MED15: variants seen among roughly 807,000 people sequenced by gnomAD.
MED15 encodes mediator of RNA polymerase II transcription subunit 15.
MED15 carries 41 observed loss-of-function variants against 118.7 expected under a neutral mutation model. That is an observed-to-expected ratio of 0.35 (90% CI 0.27 to 0.45). The LOEUF (loss-of-function observed/expected upper bound fraction) is 0.45. Ranked by LOEUF, MED15 falls within the 20% of genes least tolerant of loss-of-function variation. The pLI, the probability that MED15 is intolerant of heterozygous loss-of-function variation, is 1.00. For synonymous variants in MED15, 436 were observed against 413.9 expected (o/e 1.05, Z -0.65); for missense variants, 740 against 1,025.5 (o/e 0.72, Z 3.80).
intron 2 of MED15, among the ~76,000 whole-genome samples, chr22:20,542,702 T>A (rs1456814765): frequency 2.6e-5 from 4 of 152,216 alleles, no homozygotes; most frequent in Non-Finnish European, 5.9e-5. Context: ...TTTTGGGAGT[T>A]CTTCTTTGAT....
chr22:20,544,120 T>C (rs6001917), intron 2 of MED15, among the ~76,000 whole-genome samples: 5,009 of 152,316 alleles, frequency 0.033, 284 homozygotes, highest in African/African-American at 0.11. Flanking sequence ...ATACAGACTT[T>C]CTGTATCAAG....
chr22:20,533,044 C>T (rs1050276943), intron 1 of MED15, among the ~76,000 whole-genome samples: 7 of 152,090 alleles, frequency 4.6e-5, no homozygotes, highest in East Asian at 1.9e-4. Flanking sequence ...AGTAGCCATT[C>T]GGGTCTGGCT....
chr22:20,507,886 C>A, intron 1 of MED15, 140 bp downstream of exon 1: 2 of 1,484,752 alleles, frequency 1.3e-6, no homozygotes, highest in South Asian at 1.3e-5. Flanking sequence ...TCCCAGGGCT[C>A]GGGCCCCCCC....
At chr22:20,583,275 C>T (rs766242022) in intron 12 of MED15, 28 bp downstream of exon 12, 2 of 1,613,072 alleles carry the variant, frequency 1.2e-6, no homozygotes, top group South Asian at 1.1e-5. Flanking sequence ...CAGGGGCCTG[C>T]ACCCTGGGGA....
At chr22:20,551,154 C>T in intron 2 of MED15, 1 of 615,240 alleles carries the variant, frequency 1.6e-6, no homozygotes, top group Non-Finnish European at 3.1e-6. Flanking sequence ...CAAGATGGCT[C>T]CCAGCTCTCT....
Position 20,574,957 on chromosome 22 carries a change from T to C in MED15, c.1153-156T>C, listed in dbSNP as rs766585865. On this transcript the variant is annotated intron_variant, in intron 8 of 17. Coordinates refer to ENST00000263205, the MANE Select transcript of MED15 (RefSeq NM_001003891.3). ...CCTGGAGGTGCTGTGGGCTTGAACA[T>C]GTGGGTGGCCTCCCCTCCCAGGCTG... 3 of 971,208 alleles carry C rather than the reference T, an allele frequency of 3.1e-6. No individual in the cohort carries two copies. The Admixed American group carries it at 6.2e-5, about 20-fold the overall frequency. 60.2% of individuals were successfully genotyped at this position (971,208 alleles called of 1,614,324 possible). A position where few individuals can be genotyped will look rare whatever the true frequency, so the allele number is the denominator to read the frequency against.
chr22:20,514,001 A>T (rs1315730269), intron 1 of MED15, among the ~76,000 whole-genome samples: 1 of 152,096 alleles, frequency 6.6e-6, no homozygotes, highest in Admixed American at 6.5e-5. Context: ...AGTAGCTGGT[A>T]CTACAGACGC....
chr22:20,586,136 C>G (rs915935316), intron 17 of MED15, among the ~76,000 whole-genome samples: 2 of 152,224 alleles, frequency 1.3e-5, no homozygotes, highest in Non-Finnish European at 1.5e-5. Context: ...ACAGTCCCCG[C>G]TCTTCCCAGA....
At chr22:20,555,840 G>A (rs905511556) in intron 5 of MED15, among the ~76,000 whole-genome samples, 4 of 152,222 alleles carry the variant, frequency 2.6e-5, no homozygotes, top group East Asian at 1.9e-4. Flanking sequence ...TCACACCACA[G>A]CCTCCAAAGT....
chr22:20,577,820 C>G (rs1421367151), intron 9 of MED15, among the ~76,000 whole-genome samples: 1 of 152,006 alleles, frequency 6.6e-6, no homozygotes, highest in Non-Finnish European at 1.5e-5. Flanking sequence ...TATTCCTCGT[C>G]CCGGCAGTAG....
In MED15 at chr22:20,507,939, C is replaced by T. The variant is rs1329617683; in HGVS notation, c.68+193C>T. 7 of 1,442,694 alleles carry T rather than the reference C, an allele frequency of 4.9e-6. No individual in the cohort carries two copies. The East Asian group carries it at 1.0e-4, about 21-fold the overall frequency. The allele number at this position is 1,442,694 out of a possible 1,614,324, so 89.4% of individuals were successfully genotyped here. On this transcript the variant is annotated intron_variant, in intron 1 of 17. Transcript: ENST00000263205. ...CCGACATGGACTGCTCGTTTGCTTT[C>T]CTGGGGCCGAGCTCTGCAAACCAAC...
intron 1 of MED15, among the ~76,000 whole-genome samples, chr22:20,509,177 T>C (rs974369565): frequency 6.6e-6 from 1 of 151,636 alleles, no homozygotes; most frequent in Admixed American, 6.6e-5. Context: ...CAGGAGATGA[T>C]GGAATGAGGG....
rs755550495 is a variant in MED15 at position 20,582,588 on chromosome 22, C to T, written c.1273-23C>T. 46 of 1,538,328 alleles carry T rather than the reference C, an allele frequency of 3.0e-5. No individual in the cohort carries two copies. In the East Asian group the frequency reaches 4.9e-4, roughly 16 times the overall value. On this transcript the variant is annotated intron_variant, in intron 9 of 17. Transcript: ENST00000263205. ...GGCGGGCGGGCGTGTGGCAGCGCGC[C>T]GGCTGAGCCCCTCCACTTCCAGGTC...
intron 5 of MED15, among the ~76,000 whole-genome samples, chr22:20,556,414 G>A (rs1261944382): frequency 6.6e-6 from 1 of 150,932 alleles, no homozygotes; most frequent in South Asian, 2.1e-4. Flanking sequence ...CAGTTCTCTT[G>A]CCTCAGCCTC....
At chr22:20,553,785 C>A (rs1023314813) in intron 4 of MED15, among the ~76,000 whole-genome samples, 1 of 152,140 alleles carries the variant, frequency 6.6e-6, no homozygotes, top group African/African-American at 2.4e-5. Context: ...GCATGAGAAT[C>A]GCTTGAACCT....
In MED15 at chr22:20,566,339, C is replaced by T. The variant is rs115785911; in HGVS notation, c.691-128C>T. On this transcript the variant is annotated intron_variant, in intron 6 of 17. Transcript: ENST00000263205. ...ACAGGCGTGAGCCACTGCACCCAGC[C>T]AGGAAGGCTTTCTTGATGGCTCTGC... 272 of 1,512,414 alleles carry T rather than the reference C, an allele frequency of 1.8e-4. No homozygotes were observed. In the African/African-American group the frequency reaches 3.1e-3, roughly 17 times the overall value. The allele number at this position is 1,512,414 out of a possible 1,614,324, so 93.7% of individuals were successfully genotyped here.
At chr22:20,530,379 C>T (rs571675452) in intron 1 of MED15, among the ~76,000 whole-genome samples, 2 of 152,266 alleles carry the variant, frequency 1.3e-5, no homozygotes, top group Admixed American at 6.5e-5. Context: ...AAGTTTCCTT[C>T]GAGCAGAACA....
intron 8 of MED15, among the ~76,000 whole-genome samples, chr22:20,570,190 A>G (rs1650073719): frequency 6.6e-6 from 1 of 151,728 alleles, no homozygotes; most frequent in Non-Finnish European, 1.5e-5. Flanking sequence ...ACACCTGGCT[A>G]ATTTTTGTAT....
chr22:20,512,699 C>A (rs2054114694), intron 1 of MED15, among the ~76,000 whole-genome samples: 1 of 148,052 alleles, frequency 6.8e-6, no homozygotes, highest in South Asian at 2.1e-4. Flanking sequence ...TCACGCCATT[C>A]TCCTGCCTCA....
Sources: gnomAD v4.1 joint callset for allele counts (sites outside exome capture counted in the v4.1 genomes callset) on GRCh38, gnomAD v4.1.1 for gene constraint, MANE v1.5 for transcripts, NCBI Gene and HGNC (gene_info 2026-07-23, HGNC 2026-07-21) for gene names.